Variants in SFXN3 observed in about 807,000 individuals in gnomAD.
SFXN3 encodes sideroflexin-3.
Under a neutral mutation model 40.4 loss-of-function variants are expected in SFXN3, and 31 were observed. That is an observed-to-expected ratio of 0.77 (90% confidence interval 0.58 to 1.04). SFXN3 has a LOEUF of 1.04. Among genes scored for constraint, SFXN3 ranks in the 50% least tolerant of loss-of-function variants. SFXN3 has a pLI of 0.00. For missense variants in SFXN3, 366 were observed against 408.2 expected, an observed-to-expected ratio of 0.90 and a Z score of 0.89; for synonymous variants, 157 against 160.0, an observed-to-expected ratio of 0.98 and a Z score of 0.14.
At chr10:101,038,728 G>C in intron 10 of SFXN3, 36 bp downstream of exon 10, 1 of 1,605,214 alleles carries the variant, frequency 6.2e-7, no homozygotes, top group Non-Finnish European at 8.5e-7. Flanking sequence ...GTGTGTGGGA[G>C]TGCCTTGTCC....
At position 101,037,400 on chromosome 10, in the gene SFXN3, T is replaced by G. The variant is rs201984135; in HGVS notation, c.740T>G (p.Met247Arg). Residue 247 changes from methionine to arginine, a missense_variant, in exon 9 of 12, where the codon ATG (methionine) becomes AGG (arginine). Physicochemically the swap from Met to Arg is moderately conservative, Grantham distance 91. Coordinates refer to ENST00000393459, the Ensembl canonical transcript of SFXN3. The stretch of plus-strand genomic sequence containing the variant: ...CCCACAGCCATCCCACCACTGATCA[T>G]GGACACTCTGGAGAAGAAAGACTTC... The G allele has an allele frequency of 4.5e-5, 72 of 1,614,190 alleles. No individual in the cohort carries two copies. The highest frequency in any genetic ancestry group is 1.6e-4 in the Middle Eastern group (1 of 6,062).
chr10:101,032,577 C>T (rs1938330677), intron 2 of SFXN3, 95 bp downstream of exon 2: 1 of 1,369,500 alleles, frequency 7.3e-7, no homozygotes, highest in African/African-American at 1.5e-5. Context: ...CAGTCAATGT[C>T]CTCGGCTCTG....
intron 2 of SFXN3, among the ~76,000 whole-genome samples, chr10:101,033,549 C>G (rs568201849): frequency 6.6e-6 from 1 of 152,218 alleles, no homozygotes; most frequent in South Asian, 2.1e-4. Context: ...GGTGGCCTGC[C>G]CCTCCACACC....
intron 9 of SFXN3, chr10:101,037,706 T>A: frequency 7.2e-7 from 1 of 1,388,906 alleles, no homozygotes; most frequent in Non-Finnish European, 9.3e-7. Flanking sequence ...ACTGTCATAG[T>A]CATGCTTGAT....
exon 12 of SFXN3, chr10:101,040,061 T>C (rs1452929758): frequency 3.6e-5 from 6 of 165,758 alleles, no homozygotes; most frequent in Non-Finnish European, 6.7e-5. Flanking sequence ...CAGAGACTTA[T>C]AGACACTAGT....
At chr10:101,037,781 C>T in intron 9 of SFXN3, 2 of 1,209,360 alleles carry the variant, frequency 1.7e-6, no homozygotes, top group Non-Finnish European at 2.1e-6. Flanking sequence ...TGAACACGCA[C>T]ACACAGACAT....
Position 101,039,043 on chromosome 10 carries a change from T to C in SFXN3, c.822-132T>C. ...CCTGATGTCCAGGTTGGGTTTACTA[T>C]TCCTAAAAGGTCCTTTCAGCTTTTA... On this transcript the variant is annotated intron_variant, in intron 10 of 11. Coordinates refer to ENST00000393459, the Ensembl canonical transcript of SFXN3. The surrounding 1 kb of genome is among the most constrained non-coding windows in gnomAD (Gnocchi z 4.6). 1.3e-6 allele frequency: 1 copy of C among 781,878 alleles called. No individual in the cohort carries two copies. Among genetic ancestry groups the C allele is most frequent in the East Asian group, 2.6e-5 (1 of 37,866 alleles). 48.4% of individuals were successfully genotyped at this position (781,878 alleles called of 1,614,324 possible). A position where few individuals can be genotyped will look rare whatever the true frequency, so the allele number is the denominator to read the frequency against.
chr10:101,036,003 G>A lies in SFXN3; in HGVS notation c.333G>A (p.Arg111=). The change falls in exon 5 of 12, where the codon AGG becomes AGA. Residue 111 remains arginine (R), a splice_region_variant and synonymous_variant. Coordinates refer to ENST00000393459, the Ensembl canonical transcript of SFXN3. The surrounding 1 kb of genome is among the most constrained non-coding windows in gnomAD (Gnocchi z 4.2). Reference sequence around the variant, plus strand: ...GAAGTGAGTGTCTTTGTTCCCTCAGGAAGACCCCAACCGTGGTGTTCTGGC... The same window carrying A: ...GAAGTGAGTGTCTTTGTTCCCTCAGAAAGACCCCAACCGTGGTGTTCTGGC... The A allele has an allele frequency of 1.2e-6, 2 of 1,613,850 alleles. No individual in the cohort carries two copies. The highest frequency in any genetic ancestry group is 1.7e-6 in the Non-Finnish European group (2 of 1,179,772).
exon 2 of SFXN3, chr10:101,032,482 C>G (rs867132968): frequency 6.5e-7 from 1 of 1,544,914 alleles, no homozygotes; most frequent in African/African-American, 1.4e-5. Flanking sequence ...CGATGGAAAG[C>G]GTAAGTGCTC....
chr10:101,032,634 G>A, intron 2 of SFXN3, 152 bp downstream of exon 2: 1 of 868,344 alleles, frequency 1.2e-6, no homozygotes, highest in Non-Finnish European at 1.7e-6. Flanking sequence ...GGGGAGGAAT[G>A]TCAGGGTGGG....
chr10:101,035,180 A>C (rs1252324927), intron 3 of SFXN3, among the ~76,000 whole-genome samples: 1 of 152,204 alleles, frequency 6.6e-6, no homozygotes, highest in Non-Finnish European at 1.5e-5. Flanking sequence ...AAATCCCCTT[A>C]TCTTTGGGAG....
chr10:101,034,329 G>A (rs376954544), intron 2 of SFXN3, among the ~76,000 whole-genome samples: 17 of 152,278 alleles, frequency 1.1e-4, no homozygotes, highest in African/African-American at 4.1e-4. Flanking sequence ...AACAAGGCAC[G>A]TCCTGCACAT....
At chr10:101,040,600 TTTA>T (rs1938852461) in exon 12 of SFXN3, 1 of 151,982 alleles carries the variant, frequency 6.6e-6, no homozygotes, top group Non-Finnish European at 1.5e-5. Flanking sequence ...TTTTTTTTTT[TTTA>T]ATGGAGTTTC....
rs767820527 is a variant in SFXN3 at position 101,034,865 on chromosome 10, C to A, written c.161+10C>A. On this transcript the variant is annotated intron_variant, in intron 3 of 11. Transcript: ENST00000393459. ...TCGTGCAGAACTACAGGTGACCACC[C>A]CTCAATCTGACCCTGTGTGCCAGGA... 1.2e-5 allele frequency: 19 copies of A among 1,610,762 alleles called. No individual in the cohort carries two copies. The South Asian group carries it at 1.9e-4, about 16-fold the overall frequency.
At position 101,039,387 on chromosome 10, in the gene SFXN3, G is replaced by T. The variant is rs1202253927; in HGVS notation, c.870-102G>T. The T allele has an allele frequency of 5.5e-6, 7 of 1,265,884 alleles. No individual in the cohort carries two copies. Among genetic ancestry groups the T allele is most frequent in the Non-Finnish European group, 8.1e-6 (7 of 866,480 alleles). The allele number at this position is 1,265,884 out of a possible 1,614,324, so 78.4% of individuals were successfully genotyped here. On this transcript the variant is annotated intron_variant, in intron 11 of 11. Coordinates refer to ENST00000393459, the Ensembl canonical transcript of SFXN3. The surrounding 1 kb of genome is among the most constrained non-coding windows in gnomAD (Gnocchi z 4.6). ...TGAGCCAGTCCTTCTGGCAGTAGAA[G>T]GAGAGGATTTTTCAGCCTGGGAGGA...
In SFXN3 at chr10:101,039,695, G is replaced by A; in HGVS notation, c.*110G>A. ...CCTAGCACTGGGCAGGGGCCTTGGTGGGCAGATGGCAATTGAGGGTAGCAA... is the reference window on the plus strand; with the variant it reads ...CCTAGCACTGGGCAGGGGCCTTGGTAGGCAGATGGCAATTGAGGGTAGCAA... On this transcript the variant is annotated 3_prime_UTR_variant, in exon 12 of 12. Coordinates refer to ENST00000393459, the Ensembl canonical transcript of SFXN3. The surrounding 1 kb of genome is among the most constrained non-coding windows in gnomAD (Gnocchi z 4.6). The A allele has an allele frequency of 1.9e-6, 2 of 1,067,018 alleles. No homozygotes were observed. The highest frequency in any genetic ancestry group is 2.9e-6 in the Non-Finnish European group (2 of 698,924). The allele number at this position is 1,067,018 out of a possible 1,614,324, so 66.1% of individuals were successfully genotyped here. A position where few individuals can be genotyped will look rare whatever the true frequency, so the allele number is the denominator to read the frequency against.
rs1938774224 is a variant in SFXN3 at position 101,039,196 on chromosome 10, G to A, written c.843G>A (p.Leu281=). 1 of 1,610,372 alleles carries A rather than the reference G, an allele frequency of 6.2e-7. No homozygotes were observed. The highest frequency in any genetic ancestry group is 8.5e-7 in the Non-Finnish European group (1 of 1,178,174). Residue 281 remains leucine, a synonymous_variant, in exon 11 of 12, where the codon CTG becomes CTA. Coordinates refer to ENST00000393459, the Ensembl canonical transcript of SFXN3. This position sits in a 1 kb window ranked among gnomAD's most constrained non-coding sequence, Gnocchi z 4.6. Reference sequence around the variant, plus strand: ...CCAGCCTGGTATTTGCAACCCCCCTGTGCTGTGCCCTATTCCCCCAGAAGA... The same window carrying A: ...CCAGCCTGGTATTTGCAACCCCCCTATGCTGTGCCCTATTCCCCCAGAAGA...
Position 101,036,910 on chromosome 10 carries a change from C to T in SFXN3, c.593+102C>T. 2 of 1,525,468 alleles carry T rather than the reference C, an allele frequency of 1.3e-6. No homozygotes were observed. The highest frequency in any genetic ancestry group is 1.8e-6 in the Non-Finnish European group (2 of 1,127,750). The allele number at this position is 1,525,468 out of a possible 1,614,324, so 94.5% of individuals were successfully genotyped here. ...GGGGACATCCCTCTCCCTCCCCAGA[C>T]ATGAGCTGCTGGGCCCTGGCTCAGT... On this transcript the variant is annotated intron_variant, in intron 7 of 11. Transcript: ENST00000393459. The surrounding 1 kb of genome is among the most constrained non-coding windows in gnomAD (Gnocchi z 4.2).
rs985184343 is a variant in SFXN3 at position 101,035,428 on chromosome 10, G to A, written c.162-69G>A. 1.5e-5 allele frequency: 23 copies of A among 1,517,378 alleles called. No homozygotes were observed. In the Admixed American group the frequency reaches 4.8e-4, roughly 31 times the overall value. The allele number at this position is 1,517,378 out of a possible 1,614,324, so 94.0% of individuals were successfully genotyped here. On this transcript the variant is annotated intron_variant, in intron 3 of 11. Transcript: ENST00000393459. Reference sequence around the variant, plus strand: ...TCTGTCCAGAGTTACCCTGAGCTGGGCAGGTGGGGCCTGTGAGGGCAGATC... The same window carrying A: ...TCTGTCCAGAGTTACCCTGAGCTGGACAGGTGGGGCCTGTGAGGGCAGATC...
Sources: allele counts gnomAD v4.1 joint callset (sites outside exome capture counted in the v4.1 genomes callset), GRCh38; gene constraint gnomAD v4.1.1; non-coding constraint Gnocchi (gnomAD v3.1); transcripts MANE v1.5; gene names NCBI Gene and HGNC (gene_info 2026-07-23, HGNC 2026-07-21).